FGGY: variants seen among roughly 807,000 people sequenced by gnomAD.
FGGY encodes the protein FGGY carbohydrate kinase domain-containing protein.
In FGGY, 72 loss-of-function variants were observed where a neutral mutation model predicts 71.3. That is an observed-to-expected ratio of 1.01 (90% CI 0.84 to 1.23). The LOEUF (loss-of-function observed/expected upper bound fraction) is 1.23. Ranked by LOEUF, FGGY falls within the 50% of genes most tolerant of loss-of-function variation. The pLI is 0.00. For missense variants in FGGY, 668 were observed against 682.3 expected (o/e 0.98, Z 0.23); for synonymous variants, 251 against 250.3 (o/e 1.00, Z -0.02).
chr1:59,423,960 T>TATG (rs1231379790), intron 5 of FGGY, among the ~76,000 whole-genome samples: 1 of 152,248 alleles, frequency 6.6e-6, no homozygotes, highest in Non-Finnish European at 1.5e-5. Context: ...CTCTCTAGGC[T>TATG]ATGGTGCCCT....
At chr1:59,762,426 A>C in intron 15 of FGGY, 77 bp from the exon 16 acceptor site, 1 of 1,095,398 alleles carries the variant, frequency 9.1e-7, no homozygotes, top group Non-Finnish European at 1.4e-6. Context: ...ATATATTTCC[A>C]TTCTTCTAAA....
intron 7 of FGGY, among the ~76,000 whole-genome samples, chr1:59,553,237 CT>C (rs1265558291): frequency 6.6e-6 from 1 of 152,204 alleles, no homozygotes; most frequent in Non-Finnish European, 1.5e-5. Context: ...TGCCTGAGCA[CT>C]TTCCACCCCC....
At chr1:59,655,452 A>C (rs1478221163) in intron 11 of FGGY, among the ~76,000 whole-genome samples, 31 of 100,436 alleles carry the variant, frequency 3.1e-4, no homozygotes, top group Admixed American at 3.1e-3. Flanking sequence ...CACAGGCCCC[A>C]GTGTGTGATG....
chr1:59,469,753 C>T (rs940120165), intron 6 of FGGY, among the ~76,000 whole-genome samples: 1 of 152,112 alleles, frequency 6.6e-6, no homozygotes, highest in Non-Finnish European at 1.5e-5. Context: ...ACCCTTTGTC[C>T]TCCACCCTCC....
intron 14 of FGGY, among the ~76,000 whole-genome samples, chr1:59,744,389 T>C (rs1454612014): frequency 1.3e-5 from 2 of 152,186 alleles, no homozygotes; most frequent in Non-Finnish European, 2.9e-5. Flanking sequence ...CCCAGCTAAT[T>C]TGTGTATTTT....
chr1:59,653,081 C>T (rs1235788958), intron 11 of FGGY, among the ~76,000 whole-genome samples: 2 of 152,152 alleles, frequency 1.3e-5, no homozygotes, highest in Admixed American at 6.5e-5. Context: ...CAGGGTTCAG[C>T]GACCCACTTG....
chr1:59,601,704 C>A (rs865825040), intron 8 of FGGY, among the ~76,000 whole-genome samples: 1 of 152,190 alleles, frequency 6.6e-6, no homozygotes, highest in Non-Finnish European at 1.5e-5. Context: ...TTATAAACTT[C>A]GGGAGGACGG....
At chr1:59,548,773 T>C (rs1023546925) in intron 7 of FGGY, among the ~76,000 whole-genome samples, 3 of 152,210 alleles carry the variant, frequency 2.0e-5, no homozygotes, top group Non-Finnish European at 4.4e-5. Context: ...TGGTATCTAT[T>C]GTATCAGACA....
intron 6 of FGGY, among the ~76,000 whole-genome samples, chr1:59,496,973 A>G (rs1395247178): frequency 6.6e-6 from 1 of 152,220 alleles, no homozygotes; most frequent in Non-Finnish European, 1.5e-5. Context: ...AGGCAACATG[A>G]CAATTATATG....
At chr1:59,601,375 C>T (rs68148844) in intron 8 of FGGY, among the ~76,000 whole-genome samples, 12,068 of 152,210 alleles carry the variant, frequency 0.079, 706 homozygotes, top group South Asian at 0.3. Context: ...CAGGGAAACT[C>T]GGCTGACGGG....
At chr1:59,439,847 T>C (rs1268643612) in intron 5 of FGGY, among the ~76,000 whole-genome samples, 1 of 152,198 alleles carries the variant, frequency 6.6e-6, no homozygotes, top group African/African-American at 2.4e-5. Flanking sequence ...TACGGTTTTT[T>C]GCCTAAGAAA....
chr1:59,430,883 T>A (rs2067233201), intron 5 of FGGY, among the ~76,000 whole-genome samples: 1 of 152,252 alleles, frequency 6.6e-6, no homozygotes, highest in Admixed American at 6.5e-5. Flanking sequence ...CCCTACCTGC[T>A]GACCCATAGA....
intron 6 of FGGY, among the ~76,000 whole-genome samples, chr1:59,492,075 A>G (rs2093883639): frequency 6.6e-6 from 1 of 152,168 alleles, no homozygotes; most frequent in Admixed American, 6.6e-5. Context: ...GCCAGTTATC[A>G]GATTACCTTT....
intron 4 of FGGY, among the ~76,000 whole-genome samples, chr1:59,349,842 T>C (rs1030674492): frequency 2.6e-5 from 4 of 152,162 alleles, no homozygotes; most frequent in African/African-American, 9.7e-5. Context: ...ATGAATCACC[T>C]GGAGATCTTA....
At chr1:59,533,293 G>C (rs1449889653) in intron 7 of FGGY, among the ~76,000 whole-genome samples, 1 of 152,210 alleles carries the variant, frequency 6.6e-6, no homozygotes, top group South Asian at 2.1e-4. Context: ...GCGCTTTTCC[G>C]ACGGGCTTAA....
At chr1:59,568,464 C>CGGGGGGGGGG in intron 8 of FGGY, among the ~76,000 whole-genome samples, 2 of 59,402 alleles carry the variant, frequency 3.4e-5, no homozygotes, top group Non-Finnish European at 7.4e-5. Context: ...GTCGGGGGGG[C>CGGGGGGGGGG]GGGGGGGGGT....
chr1:59,690,965 A>T (rs773897173), intron 14 of FGGY, among the ~76,000 whole-genome samples: 1 of 152,240 alleles, frequency 6.6e-6, no homozygotes, highest in Non-Finnish European at 1.5e-5. Context: ...GTTACTAGTA[A>T]CTCAGTGGAT....
At chr1:59,525,989 G>A (rs1379874323) in intron 7 of FGGY, among the ~76,000 whole-genome samples, 1 of 152,168 alleles carries the variant, frequency 6.6e-6, no homozygotes, top group Admixed American at 6.5e-5. Context: ...GTGTCTGAAT[G>A]CGTGTGTGTA....
At chr1:59,484,348 ATCATC>A (rs1553239645) in intron 6 of FGGY, among the ~76,000 whole-genome samples, 13 of 152,056 alleles carry the variant, frequency 8.5e-5, no homozygotes, top group Non-Finnish European at 1.5e-5. Flanking sequence ...TCTCCCTTAT[ATCATC>A]TTTCTCCCTG....
Sources: gnomAD v4.1 joint callset for allele counts (sites outside exome capture counted in the v4.1 genomes callset) on GRCh38, gnomAD v4.1.1 for gene constraint, MANE v1.5 for transcripts, NCBI Gene and HGNC (gene_info 2026-07-23, HGNC 2026-07-21) for gene names.